Variants in KIAA0930 observed in about 807,000 individuals in gnomAD.
KIAA0930 encodes uncharacterized protein KIAA0930.
In KIAA0930, 24 loss-of-function variants were observed where a neutral mutation model predicts 43.9. The ratio of observed to expected loss-of-function variants is 0.55; its 90% confidence interval spans 0.40 to 0.77. The LOEUF is 0.77. KIAA0930 is among the 30% of genes least tolerant of loss of function. KIAA0930 has a pLI of 0.00. For synonymous variants in KIAA0930, 259 were observed against 216.4 expected (o/e 1.20, Z -1.73); for missense variants, 461 against 574.2 (o/e 0.80, Z 2.02).
intron 7 of KIAA0930, 103 bp downstream of exon 7, chr22:45,202,887 G>A: frequency 1.0e-6 from 1 of 966,526 alleles, no homozygotes; most frequent in South Asian, 1.7e-5. Flanking sequence ...TGGTGGTTGG[G>A]GATGACAACA....
Position 45,199,859 on chromosome 22 carries a change from G to A in KIAA0930, c.1015+14C>T, listed in dbSNP as rs780175413. The A allele has an allele frequency of 6.8e-5, 106 of 1,552,726 alleles. No homozygotes were observed. Among genetic ancestry groups the A allele is most frequent in the Non-Finnish European group, 1.7e-5 (20 of 1,143,790 alleles). ...AAGGGCACGGGGACCCTAGGGCACG[G>A]AGTGGGGGGTCACCTCCACCGTCGT... On this transcript the variant is annotated intron_variant, in intron 8 of 9. Coordinates refer to ENST00000336156, the MANE Select transcript of KIAA0930 (RefSeq NM_001009880.2).
intron 1 of KIAA0930, among the ~76,000 whole-genome samples, chr22:45,228,209 GTCCCCGA>G (rs2083814739): frequency 6.6e-6 from 1 of 152,062 alleles, no homozygotes; most frequent in Non-Finnish European, 1.5e-5. Flanking sequence ...CACTTCTGAT[GTCCCCGA>G]TCCCCAGCAC....
chr22:45,202,854 G>A, intron 7 of KIAA0930, 136 bp downstream of exon 7: 4 of 719,930 alleles, frequency 5.6e-6, no homozygotes, highest in Non-Finnish European at 8.7e-6. Flanking sequence ...GCCTCCGCAC[G>A]CTCGGCACCT....
chr22:45,205,096 G>C, intron 5 of KIAA0930, 121 bp downstream of exon 5: 1 of 757,516 alleles, frequency 1.3e-6, no homozygotes, highest in Non-Finnish European at 2.3e-6. Context: ...GCCTCAGCCG[G>C]ACTCTTCCCG....
chr22:45,202,979 G>A lies in KIAA0930; in HGVS notation c.852+11C>T. The A allele has an allele frequency of 6.3e-7, 1 of 1,591,624 alleles. No individual in the cohort carries two copies. The highest frequency in any genetic ancestry group is 8.6e-7 in the Non-Finnish European group (1 of 1,168,118). On this transcript the variant is annotated intron_variant, in intron 7 of 9. Transcript: ENST00000336156. The stretch of plus-strand genomic sequence containing the variant: ...GATGGGAGCCCCCGCCCCCAGCTGT[G>A]CAGCCCTTACCCGCTCGTGCATGGG...
chr22:45,203,657 C>T (rs2072723), intron 6 of KIAA0930, among the ~76,000 whole-genome samples, 188 bp downstream of exon 6: 1 of 152,026 alleles, frequency 6.6e-6, no homozygotes, highest in African/African-American at 2.4e-5. Context: ...GGGCTGAGGC[C>T]GACCATGAAG....
chr22:45,198,081 C>T, intron 8 of KIAA0930, 133 bp from the exon 9 acceptor site: 1 of 792,106 alleles, frequency 1.3e-6, no homozygotes, highest in Non-Finnish European at 2.0e-6. Context: ...ACCCCCACAC[C>T]AGCACCCACA....
intron 1 of KIAA0930, among the ~76,000 whole-genome samples, chr22:45,220,038 C>T (rs1335223921): frequency 6.6e-6 from 1 of 152,104 alleles, no homozygotes; most frequent in African/African-American, 2.4e-5. Context: ...ACCACACACA[C>T]AGAAAATTAC....
At chr22:45,215,586 A>T (rs1489024754) in intron 1 of KIAA0930, among the ~76,000 whole-genome samples, 1 of 152,270 alleles carries the variant, frequency 6.6e-6, no homozygotes, top group Admixed American at 6.5e-5. Context: ...AAAGCATGCC[A>T]TACGGATTCA....
At chr22:45,231,716 A>G (rs899927131) in intron 1 of KIAA0930, among the ~76,000 whole-genome samples, 1 of 152,152 alleles carries the variant, frequency 6.6e-6, no homozygotes, top group African/African-American at 2.4e-5. Context: ...TAACAGGCAC[A>G]CCAGGCGCAG....
rs1986175 is a variant in KIAA0930, at chr22:45,194,236, A to T, written c.*2940T>A. On this transcript the variant is annotated 3_prime_UTR_variant, in exon 10 of 10. Transcript: ENST00000336156. Reference sequence around the variant, plus strand: ...ATTACAGGTGCCTGCCACCATGTCCAGCTAATTTTTCTATCTTTAGTAGAC... The same window carrying T: ...ATTACAGGTGCCTGCCACCATGTCCTGCTAATTTTTCTATCTTTAGTAGAC... 7,185 of 151,632 alleles carry T rather than the reference A, an allele frequency of 0.047. 542 individuals are homozygous for T. The highest frequency in any genetic ancestry group is 0.16 in the African/African-American group (6,785 of 41,282). 9.4% of individuals were successfully genotyped at this position (151,632 alleles called of 1,614,324 possible). A position where few individuals can be genotyped will look rare whatever the true frequency, so the allele number is the denominator to read the frequency against.
chr22:45,237,413 T>G (rs2083894087), intron 1 of KIAA0930, among the ~76,000 whole-genome samples: 1 of 152,222 alleles, frequency 6.6e-6, no homozygotes, highest in African/African-American at 2.4e-5. Flanking sequence ...CTGCAGAGGC[T>G]GCCACAGACA....
chr22:45,219,509 T>C (rs2083753945), intron 1 of KIAA0930, among the ~76,000 whole-genome samples: 1 of 151,396 alleles, frequency 6.6e-6, no homozygotes, highest in Non-Finnish European at 1.5e-5. Flanking sequence ...GATGGTTCTG[T>C]ATTAAATAAA....
intron 1 of KIAA0930, among the ~76,000 whole-genome samples, chr22:45,224,457 A>G (rs1298122381): frequency 6.6e-6 from 1 of 152,184 alleles, no homozygotes; most frequent in Non-Finnish European, 1.5e-5. Context: ...ATCTCACAAC[A>G]ACTGAAGCAG....
intron 1 of KIAA0930, among the ~76,000 whole-genome samples, chr22:45,217,844 G>C (rs1350002687): frequency 1.4e-5 from 2 of 147,636 alleles, no homozygotes; most frequent in Non-Finnish European, 3.0e-5. Context: ...TGATCCAGCT[G>C]TCTCCCCTGC....
At chr22:45,226,089 A>G (rs1263435395) in intron 1 of KIAA0930, 5 of 369,218 alleles carry the variant, frequency 1.4e-5, no homozygotes, top group Non-Finnish European at 2.8e-5. Context: ...GACAAGAAAC[A>G]CAGGACGTGC....
At chr22:45,216,121 C>T (rs1006830542) in intron 1 of KIAA0930, among the ~76,000 whole-genome samples, 7 of 152,190 alleles carry the variant, frequency 4.6e-5, no homozygotes, top group Admixed American at 2.0e-4. Flanking sequence ...CAGACACACT[C>T]CACATCCAAG....
At chr22:45,212,581 A>AGCC (rs769603127) in intron 1 of KIAA0930, 30 of 1,380,570 alleles carry the variant, frequency 2.2e-5, no homozygotes, top group African/African-American at 2.9e-5. Context: ...TTAAAGGGAC[A>AGCC]GCCGCCCTCC....
intron 9 of KIAA0930, 75 bp from the exon 10 acceptor site, chr22:45,197,291 A>T: frequency 7.4e-7 from 1 of 1,360,356 alleles, no homozygotes; most frequent in Non-Finnish European, 1.0e-6. Context: ...CGGCAGTGCC[A>T]CTTCTGAAGG....
Sources: gnomAD v4.1 joint callset for allele counts (sites outside exome capture counted in the v4.1 genomes callset) on GRCh38, gnomAD v4.1.1 for gene constraint, MANE v1.5 for transcripts, NCBI Gene and HGNC (gene_info 2026-07-23, HGNC 2026-07-21) for gene names.